Variants in STEAP1B observed in about 807,000 individuals in gnomAD.
STEAP1B encodes STEAP family protein MGC87042.
A neutral mutation model predicts 27.9 loss-of-function variants in STEAP1B; 13 were observed. The ratio of observed to expected loss-of-function variants is 0.47; its 90% CI spans 0.30 to 0.74. The LOEUF is 0.74. Ranked by LOEUF, STEAP1B falls within the 30% of genes least tolerant of loss-of-function variation. STEAP1B has a pLI of 0.06. For missense variants in STEAP1B, 250 were observed against 298.7 expected, an observed-to-expected ratio of 0.84 and a Z score of 1.20; for synonymous variants, 86 against 107.1, an observed-to-expected ratio of 0.80 and a Z score of 1.22.
chr7:22,477,732 T>C (rs900577558), intron 4 of STEAP1B, among the ~76,000 whole-genome samples: 10 of 146,500 alleles, frequency 6.8e-5, no homozygotes, highest in Non-Finnish European at 1.5e-5. Context: ...CAACAAGAGG[T>C]TTTTTTTTTT....
Position 22,485,144 on chromosome 7 carries a change from G to T in STEAP1B, c.762+7421C>A, listed in dbSNP as rs7781444. On this transcript the variant is annotated intron_variant, in intron 4 of 4. Transcript: ENST00000678116. ...AGCAGTAGCAGGATCTGAGAGGATT[G>T]ATTCCAATTCTTAAAGAAATTCTAC... 8.8e-3 allele frequency among the ~76,000 whole-genome samples: 1,340 copies of T among 152,348 alleles called. 11 individuals are homozygous for T. The highest frequency in any genetic ancestry group is 0.031 in the Middle Eastern group (9 of 294).
At chr7:22,420,063 C>T (rs1305426858) in intron 4 of STEAP1B, among the ~76,000 whole-genome samples, 1 of 152,136 alleles carries the variant, frequency 6.6e-6, no homozygotes, top group African/African-American at 2.4e-5. Flanking sequence ...AAGAAGACTA[C>T]ATTGTGGGGC....
intron 4 of STEAP1B, among the ~76,000 whole-genome samples, chr7:22,465,582 T>A (rs949682488): frequency 2.6e-5 from 4 of 152,178 alleles, no homozygotes; most frequent in Non-Finnish European, 5.9e-5. Context: ...TTATGTACGA[T>A]GTGAACATGA....
At chr7:22,449,601 C>T (rs1415218121) in intron 4 of STEAP1B, among the ~76,000 whole-genome samples, 1 of 152,220 alleles carries the variant, frequency 6.6e-6, no homozygotes, top group Non-Finnish European at 1.5e-5. Context: ...CTTCAAAAAA[C>T]ATGACAGTGC....
intron 4 of STEAP1B, among the ~76,000 whole-genome samples, chr7:22,464,543 G>C (rs1583644015): frequency 1.3e-5 from 2 of 152,144 alleles, no homozygotes; most frequent in East Asian, 3.8e-4. Context: ...CTCGGAAAGT[G>C]ACCATATTTG....
intron 4 of STEAP1B, among the ~76,000 whole-genome samples, chr7:22,442,067 T>C (rs1174558333): frequency 6.6e-6 from 1 of 152,212 alleles, no homozygotes. Context: ...ACTTCCCATA[T>C]GGCCCTTTCT....
chr7:22,440,329 C>T (rs1024462357), intron 4 of STEAP1B, among the ~76,000 whole-genome samples: 1 of 152,080 alleles, frequency 6.6e-6, no homozygotes, highest in South Asian at 2.1e-4. Context: ...AATTAAAAGT[C>T]CTTCAATTTT....
chr7:22,462,452 A>C, intron 4 of STEAP1B, among the ~76,000 whole-genome samples: 1 of 125,614 alleles, frequency 8.0e-6, no homozygotes, highest in Non-Finnish European at 1.6e-5. Flanking sequence ...TCATTGTTCA[A>C]TTCCCACCTA....
At chr7:22,446,684 C>A (rs1785414203) in intron 4 of STEAP1B, among the ~76,000 whole-genome samples, 1 of 152,142 alleles carries the variant, frequency 6.6e-6, no homozygotes, top group Non-Finnish European at 1.5e-5. Context: ...TGAGCACTCA[C>A]TTTTTTCAGC....
intron 4 of STEAP1B, among the ~76,000 whole-genome samples, chr7:22,451,968 T>C (rs548343522): frequency 2.6e-5 from 4 of 152,336 alleles, no homozygotes; most frequent in Admixed American, 6.5e-5. Context: ...TTGGTATTAG[T>C]GGTTCTTTAA....
chr7:22,472,349 A>G (rs900756928), intron 4 of STEAP1B, among the ~76,000 whole-genome samples: 2 of 152,138 alleles, frequency 1.3e-5, no homozygotes, highest in Admixed American at 6.5e-5. Flanking sequence ...CCAGAGCCCC[A>G]CAGAAGGGTG....
At chr7:22,453,171 G>T (rs1369165193) in intron 4 of STEAP1B, among the ~76,000 whole-genome samples, 1 of 152,108 alleles carries the variant, frequency 6.6e-6, no homozygotes, top group African/African-American at 2.4e-5. Flanking sequence ...AAATCATTCT[G>T]TTGGCTTTCC....
intron 4 of STEAP1B, among the ~76,000 whole-genome samples, chr7:22,453,174 G>T (rs191330889): frequency 1.9e-3 from 284 of 152,196 alleles, no homozygotes; most frequent in Non-Finnish European, 3.5e-3. Flanking sequence ...TCATTCTGTT[G>T]GCTTTCCTCG....
chr7:22,476,728 C>T (rs1785979619), intron 4 of STEAP1B, among the ~76,000 whole-genome samples: 1 of 152,192 alleles, frequency 6.6e-6, no homozygotes, highest in African/African-American at 2.4e-5. Context: ...GCACATCTAC[C>T]ATGAACCCAT....
chr7:22,491,690 T>C (rs1194685680), intron 4 of STEAP1B, among the ~76,000 whole-genome samples: 3 of 152,150 alleles, frequency 2.0e-5, no homozygotes, highest in Non-Finnish European at 2.9e-5. Context: ...TGGGGAGGTA[T>C]AAAATTGTTG....
At chr7:22,447,153 GT>G (rs779438267) in intron 4 of STEAP1B, among the ~76,000 whole-genome samples, 1 of 152,168 alleles carries the variant, frequency 6.6e-6, no homozygotes, top group Non-Finnish European at 1.5e-5. Context: ...GTTCCACTTT[GT>G]AACCAGAGTC....
At chr7:22,479,348 T>G (rs1023945444) in intron 4 of STEAP1B, among the ~76,000 whole-genome samples, 1 of 152,230 alleles carries the variant, frequency 6.6e-6, no homozygotes, top group African/African-American at 2.4e-5. Flanking sequence ...CTGCCTGCCC[T>G]TAACAGAATC....
At chr7:22,438,999 A>G (rs934430902) in intron 4 of STEAP1B, among the ~76,000 whole-genome samples, 2 of 152,332 alleles carry the variant, frequency 1.3e-5, no homozygotes, top group East Asian at 3.9e-4. Context: ...TTTCCATGTA[A>G]TAAGAAATCT....
intron 4 of STEAP1B, among the ~76,000 whole-genome samples, chr7:22,471,367 C>T (rs971071403): frequency 6.6e-6 from 1 of 152,074 alleles, no homozygotes; most frequent in Non-Finnish European, 1.5e-5. Context: ...AAAATGACTC[C>T]GATCCCTGAA....
Sources: allele counts gnomAD v4.1 joint callset (sites outside exome capture counted in the v4.1 genomes callset), GRCh38; gene constraint gnomAD v4.1.1; transcripts MANE v1.5; gene names NCBI Gene and HGNC (gene_info 2026-07-23, HGNC 2026-07-21).